The following DNAH8 variants were observed in gnomAD, a reference collection of about 807,000 sequenced individuals.
The protein encoded by DNAH8 is dynein axonemal heavy chain 8, also known as axonemal beta dynein heavy chain 8.
Under a neutral mutation model 562.1 loss-of-function variants are expected in DNAH8, and 382 were observed. The ratio of observed to expected loss-of-function variants is 0.68; its 90% CI spans 0.63 to 0.74. The LOEUF is 0.74. Ranked by LOEUF, DNAH8 falls within the 30% of genes least tolerant of loss-of-function variation. The probability of loss-of-function intolerance (pLI) is 0.00; values close to 1 mark genes in which losing one functional copy is unlikely to be tolerated. For missense variants in DNAH8, 5,203 were observed against 5,620.4 expected (o/e 0.93, Z 2.37); for synonymous variants, 1,881 against 1,919.4 (o/e 0.98, Z 0.52).
At chr6:38,912,620 C>G (rs1204449206) in intron 66 of DNAH8, among the ~76,000 whole-genome samples, 1 of 152,166 alleles carries the variant, frequency 6.6e-6, no homozygotes, top group African/African-American at 2.4e-5. Context: ...TGCTTTAGAT[C>G]AGTAGTGTGC....
chr6:38,863,729 A>C (rs1776820903), intron 44 of DNAH8, 144 bp from the exon 45 acceptor site: 1 of 602,166 alleles, frequency 1.7e-6, no homozygotes, highest in East Asian at 3.1e-5. Flanking sequence ...CTGGAATTAA[A>C]TATGTATTTA....
chr6:38,852,592 A>T, intron 39 of DNAH8, 102 bp from the exon 40 acceptor site: 1 of 800,766 alleles, frequency 1.2e-6, no homozygotes, highest in Non-Finnish European at 2.0e-6. Context: ...AATAAAGTAA[A>T]TACTTAACCT....
At chr6:38,803,142 G>A (rs1583045706) in intron 21 of DNAH8, 37 bp from the exon 22 acceptor site, 1 of 1,458,504 alleles carries the variant, frequency 6.9e-7, no homozygotes, top group East Asian at 2.4e-5. Context: ...TTACTTTTAA[G>A]TATCTGGAAA....
intron 40 of DNAH8, 113 bp downstream of exon 40, chr6:38,852,911 A>G: frequency 1.3e-6 from 1 of 784,858 alleles, no homozygotes; most frequent in East Asian, 2.7e-5. Context: ...CTCATTCTAC[A>G]GCCCTGGGCT....
chr6:38,886,889 A>C lies in DNAH8; in HGVS notation c.8358A>C (p.Ile2786=), dbSNP rs1484689948. The change falls in exon 57 of 93, where the codon ATA becomes ATC. Residue 2786 remains isoleucine, a synonymous_variant. Transcript: ENST00000327475. ...DFTTIVDVQL[I]AAMIHPGGGR... is the part of the protein sequence containing the mutation. The stretch of plus-strand genomic sequence containing the variant: ...CTACTATTGTTGATGTGCAGCTCAT[A>C]GCAGCAATGATCCACCCTGGAGGTG... 4 of 1,613,956 alleles carry C rather than the reference A, an allele frequency of 2.5e-6. No individual in the cohort carries two copies. The highest frequency in any genetic ancestry group is 3.3e-5 in the Admixed American group (2 of 60,006).
intron 11 of DNAH8, among the ~76,000 whole-genome samples, chr6:38,766,426 T>C (rs1767005224): frequency 6.6e-6 from 1 of 152,170 alleles, no homozygotes; most frequent in African/African-American, 2.4e-5. Flanking sequence ...TTTTCAGTTA[T>C]GCAGGATGAA....
chr6:38,914,273 G>T (rs2150536792), intron 67 of DNAH8, among the ~76,000 whole-genome samples: 1 of 147,870 alleles, frequency 6.8e-6, no homozygotes, highest in East Asian at 2.0e-4. Flanking sequence ...TATGTTCCAG[G>T]TTTCTGGGAT....
intron 68 of DNAH8, 38 bp downstream of exon 68, chr6:38,915,415 T>C (rs745346621): frequency 7.0e-7 from 1 of 1,428,656 alleles, no homozygotes; most frequent in South Asian, 1.8e-5. Flanking sequence ...ACACAAGTCC[T>C]AGAAGGCTTC....
intron 37 of DNAH8, 136 bp downstream of exon 37, chr6:38,848,937 G>C (rs994384236): frequency 2.7e-6 from 2 of 744,658 alleles, no homozygotes; most frequent in Non-Finnish European, 4.4e-6. Flanking sequence ...CCACTTGCCT[G>C]TTTTTGTAAA....
At chr6:38,894,894 T>C (rs751700402) in intron 59 of DNAH8, 30 bp downstream of exon 59, 3 of 1,594,172 alleles carry the variant, frequency 1.9e-6, no homozygotes, top group Middle Eastern at 1.7e-4. Flanking sequence ...AGTTTAAATG[T>C]ATGACCTGAG....
At chr6:38,988,775 C>G (rs569014337) in intron 87 of DNAH8, among the ~76,000 whole-genome samples, 2 of 152,222 alleles carry the variant, frequency 1.3e-5, no homozygotes, top group Non-Finnish European at 2.9e-5. Context: ...TCAAACTCCT[C>G]TCCTTCAAGG....
At position 38,853,212 on chromosome 6, in the gene DNAH8, TC is replaced by T; in HGVS notation, c.5600del (p.Pro1867LeufsTer10). The T allele has an allele frequency of 6.2e-7, 1 of 1,612,588 alleles. No individual in the cohort carries two copies. Among genetic ancestry groups the T allele is most frequent in the Non-Finnish European group, 8.5e-7 (1 of 1,179,464 alleles). Reference protein sequence around the residue: ...VLDNSVMAKGPVEIWLLDLLK... With the variant: ...VLDNSVMAKGXVEIWLLDLLK... ...TGGATAATTCTGTTATGGCCAAAGG[TC>T]CTGTGGAGATTTGGCTACTGGATTT... On this transcript the variant is annotated frameshift_variant, in exon 41 of 93. Coordinates refer to ENST00000327475, the MANE Select transcript of DNAH8 (RefSeq NM_001206927.2). LOFTEE classifies it high-confidence loss of function.
chr6:38,826,094 A>G, intron 28 of DNAH8, 62 bp from the exon 29 acceptor site: 1 of 1,114,342 alleles, frequency 9.0e-7, no homozygotes, highest in Non-Finnish European at 1.3e-6. Context: ...GCAATTATAG[A>G]TGCCCTTATA....
In DNAH8 at chr6:38,872,739, G is replaced by C. The variant is rs1777567262; in HGVS notation, c.7194G>C (p.Gly2398=). 1 of 1,613,952 alleles carries C rather than the reference G, an allele frequency of 6.2e-7. No homozygotes were observed. Among genetic ancestry groups the C allele is most frequent in the Admixed American group, 1.7e-5 (1 of 60,002 alleles). The change falls in exon 50 of 93, where the codon GGG becomes GGC. Residue 2398 remains glycine, a synonymous_variant. Transcript: ENST00000327475. Reference sequence around the variant, plus strand: ...CTGCTACCAATGACTGGACAGATGGGATTTTTTCTACTCTGTGGAGAAAAA... The same window carrying C: ...CTGCTACCAATGACTGGACAGATGGCATTTTTTCTACTCTGTGGAGAAAAA... ...LDTATNDWTD[G]IFSTLWRKTL... is the part of the protein sequence containing the mutation.
chr6:38,890,840 T>G (rs1779299488), intron 58 of DNAH8, 79 bp downstream of exon 58: 1 of 925,744 alleles, frequency 1.1e-6, no homozygotes, highest in Admixed American at 1.8e-5. Context: ...CTCATTAAGT[T>G]ATCATAATAT....
At chr6:39,001,119 C>T (rs1019046832) in intron 88 of DNAH8, among the ~76,000 whole-genome samples, 2 of 151,976 alleles carry the variant, frequency 1.3e-5, no homozygotes, top group Non-Finnish European at 1.5e-5. Context: ...GCGGAGTGGC[C>T]GATGCAGAGT....
chr6:38,937,453 A>G (rs1251874661), intron 77 of DNAH8, among the ~76,000 whole-genome samples: 1 of 152,194 alleles, frequency 6.6e-6, no homozygotes, highest in East Asian at 1.9e-4. Flanking sequence ...TGTTAGAGAC[A>G]GAGGGATTAG....
At chr6:38,900,657 G>A (rs951498512) in intron 62 of DNAH8, among the ~76,000 whole-genome samples, 5 of 150,232 alleles carry the variant, frequency 3.3e-5, no homozygotes, top group Non-Finnish European at 2.9e-5. Context: ...TTGCTCTGTC[G>A]CCCAGGCTGG....
In DNAH8 at chr6:38,984,183, A is replaced by C. The variant is rs775395899; in HGVS notation, c.12952-23A>C. The stretch of plus-strand genomic sequence containing the variant: ...GATGTGTTTGGGTTGACAATTAATA[A>C]TCCTTTTTTACTTTTAATAAAGGGT... On this transcript the variant is annotated intron_variant, in intron 86 of 92. Transcript: ENST00000327475. 2.9e-6 allele frequency: 4 copies of C among 1,380,826 alleles called. No homozygotes were observed. In the South Asian group the frequency reaches 3.6e-5, roughly 12 times the overall value. The allele number at this position is 1,380,826 out of a possible 1,614,324, so 85.5% of individuals were successfully genotyped here. A position where few individuals can be genotyped will look rare whatever the true frequency, so the allele number is the denominator to read the frequency against.
Sources: allele counts gnomAD v4.1 joint callset (sites outside exome capture counted in the v4.1 genomes callset), GRCh38; gene constraint gnomAD v4.1.1; transcripts MANE v1.5; gene names NCBI Gene and HGNC (gene_info 2026-07-23, HGNC 2026-07-21).